Variants in CUL5 observed in about 807,000 individuals in gnomAD.
The protein encoded by CUL5 is cullin-5.
A neutral mutation model predicts 108.8 loss-of-function variants in CUL5; 26 were observed. The ratio of observed to expected loss-of-function variants is 0.24; its 90% CI spans 0.18 to 0.33. The LOEUF (loss-of-function observed/expected upper bound fraction) is 0.33. Ranked by LOEUF, CUL5 falls within the 10% of genes least tolerant of loss-of-function variation. The probability of loss-of-function intolerance (pLI) is 1.00; values close to 1 mark genes in which losing one functional copy is unlikely to be tolerated. For synonymous variants in CUL5, 334 were observed against 298.0 expected (o/e 1.12, Z -1.25); for missense variants, 524 against 909.2 (o/e 0.58, Z 5.45).
chr11:108,063,658 AAAAAAAT>A (rs1213712342), intron 7 of CUL5, among the ~76,000 whole-genome samples: 1 of 20,546 alleles, frequency 4.9e-5, no homozygotes, highest in Non-Finnish European at 1.5e-4. Context: ...ATAAAATTTA[AAAAAAAT>A]AAATAAATAG....
chr11:108,052,890 G>A (rs1863270897), intron 5 of CUL5, 89 bp downstream of exon 5: 1 of 1,122,516 alleles, frequency 8.9e-7, no homozygotes. Context: ...TAAGTTTATT[G>A]GCATACAAAG....
At chr11:108,079,396 G>A (rs899278068) in intron 11 of CUL5, among the ~76,000 whole-genome samples, 3 of 151,994 alleles carry the variant, frequency 2.0e-5, no homozygotes, top group East Asian at 3.9e-4. Flanking sequence ...GTGAGCCACC[G>A]CACCCAGTCC....
chr11:108,015,054 A>G (rs957176591), intron 1 of CUL5, among the ~76,000 whole-genome samples: 1 of 152,170 alleles, frequency 6.6e-6, no homozygotes, highest in African/African-American at 2.4e-5. Flanking sequence ...GACCACCACC[A>G]TGCTCGGCTG....
chr11:108,097,743 G>T lies in CUL5; in HGVS notation c.2013G>T (p.Glu671Asp), dbSNP rs186168658. ...TEGTLFSVNQ[E>D]FSLIKNAKVQ... ...GTACCCTCTTCTCAGTGAACCAGGA[G>T]TTCAGTTTAATGTAAGCTCGTTAGT... Residue 671 changes from glutamate (E) to aspartate (D), a missense_variant, in exon 17 of 19, where the codon GAG (glutamate) becomes GAT (aspartate). Physicochemically the swap from Glu to Asp is conservative, Grantham distance 45. This residue lies in a region of CUL5 where 66 missense variants were observed against 81.4 expected (regional missense o/e 0.81). Coordinates refer to ENST00000393094, the MANE Select transcript of CUL5 (RefSeq NM_003478.6). The T allele has an allele frequency of 7.4e-5, 117 of 1,588,096 alleles. 3 individuals are homozygous for T. The East Asian group carries it at 2.6e-3, about 35-fold the overall frequency.
rs1221480985 is a variant in CUL5 at position 108,054,780 on chromosome 11, T to C, written c.687T>C (p.Asn229=). The C allele has an allele frequency of 6.2e-7, 1 of 1,608,092 alleles. No individual in the cohort carries two copies. The highest frequency in any genetic ancestry group is 1.7e-5 in the Admixed American group (1 of 58,984). The stretch of plus-strand genomic sequence containing the variant: ...ATTTACAACAAAATGGTGTACAGAA[T>C]TATATGAAATATGTAAGTTAGAACT... ...PSYLQQNGVQ[N]YMKYADAKLK... The change falls in exon 6 of 19, where the codon AAT becomes AAC. Residue 229 remains asparagine, a synonymous_variant. Transcript: ENST00000393094.
intron 2 of CUL5, among the ~76,000 whole-genome samples, chr11:108,042,515 C>T (rs1033662647): frequency 2.6e-5 from 4 of 152,040 alleles, no homozygotes; most frequent in Non-Finnish European, 2.9e-5. Context: ...AGCCACTGCA[C>T]CTGGCCCACA....
chr11:108,009,652 C>T (rs1393746502), intron 1 of CUL5, among the ~76,000 whole-genome samples: 5 of 152,090 alleles, frequency 3.3e-5, no homozygotes, highest in Non-Finnish European at 7.4e-5. Context: ...TGGCCGGGAG[C>T]GGGAGATGAA....
chr11:108,085,672 TAAGTAAAAG>T (rs1366389146), intron 11 of CUL5, among the ~76,000 whole-genome samples: 13 of 152,296 alleles, frequency 8.5e-5, no homozygotes, highest in African/African-American at 3.1e-4. Context: ...AACTTGATGC[TAAGTAAAAG>T]AAGTGGGTCA....
intron 4 of CUL5, among the ~76,000 whole-genome samples, chr11:108,051,868 T>C (rs1224015852): frequency 6.6e-6 from 1 of 152,184 alleles, no homozygotes; most frequent in Admixed American, 6.5e-5. Context: ...CCACTGAAAT[T>C]TGCACTATTA....
chr11:108,057,673 T>C (rs1863420865), intron 7 of CUL5, among the ~76,000 whole-genome samples: 2 of 151,650 alleles, frequency 1.3e-5, no homozygotes, highest in South Asian at 2.1e-4. Context: ...TGTATGAGAG[T>C]AGGAGAAATT....
chr11:108,057,039 A>C (rs1014710995), intron 7 of CUL5, among the ~76,000 whole-genome samples: 1 of 152,204 alleles, frequency 6.6e-6, no homozygotes, highest in African/African-American at 2.4e-5. Context: ...GGAATGTTAC[A>C]GTTTTATAAG....
chr11:108,066,805 T>G (rs1863693795), intron 7 of CUL5, among the ~76,000 whole-genome samples: 1 of 152,228 alleles, frequency 6.6e-6, no homozygotes, highest in African/African-American at 2.4e-5. Flanking sequence ...ATGATGCATT[T>G]TCCAGTTATT....
intron 1 of CUL5, among the ~76,000 whole-genome samples, chr11:108,010,230 C>T (rs1862029287): frequency 6.6e-6 from 1 of 152,212 alleles, no homozygotes; most frequent in South Asian, 2.1e-4. Context: ...GTGAATAGCT[C>T]AGGGAACATA....
At chr11:108,100,153 A>T (rs915737042) in intron 18 of CUL5, among the ~76,000 whole-genome samples, 2 of 152,184 alleles carry the variant, frequency 1.3e-5, no homozygotes, top group Non-Finnish European at 1.5e-5. Flanking sequence ...AAAAAAATAA[A>T]AAAAAGGTGG....
intron 7 of CUL5, among the ~76,000 whole-genome samples, chr11:108,068,086 C>T (rs769124510): frequency 9.9e-5 from 15 of 151,818 alleles, no homozygotes; most frequent in African/African-American, 2.9e-4. Context: ...CCACCATGCC[C>T]GGCTAATTTT....
chr11:108,009,322 G>A lies in CUL5; in HGVS notation c.-27G>A, dbSNP rs780423281. 8.7e-6 allele frequency: 14 copies of A among 1,610,478 alleles called. No homozygotes were observed. The highest frequency in any genetic ancestry group is 1.1e-5 in the Non-Finnish European group (13 of 1,178,412). On this transcript the variant is annotated 5_prime_UTR_variant, in exon 1 of 19. Coordinates refer to ENST00000393094, the MANE Select transcript of CUL5 (RefSeq NM_003478.6). ...CGGGAGCGCCACGAATTCTCGCGTC[G>A]TCTCGCGAGAGTCCAAGTTAAAGAA... is the stretch of plus-strand genomic sequence containing the variant.
intron 2 of CUL5, among the ~76,000 whole-genome samples, chr11:108,046,024 A>G (rs1186477804): frequency 2.0e-5 from 3 of 152,230 alleles, no homozygotes; most frequent in South Asian, 2.1e-4. Flanking sequence ...ACATGCTTTC[A>G]TAACTAAATT....
At chr11:108,078,317 T>G in intron 11 of CUL5, 77 bp downstream of exon 11, 1 of 687,142 alleles carries the variant, frequency 1.5e-6, no homozygotes, top group Non-Finnish European at 2.4e-6. Context: ...GTATACAAAG[T>G]ACCCTGTTAG....
chr11:108,086,862 A>C (rs1864232409), intron 11 of CUL5, among the ~76,000 whole-genome samples: 2 of 152,218 alleles, frequency 1.3e-5, no homozygotes, highest in South Asian at 4.1e-4. Flanking sequence ...ATTGATGTAC[A>C]TAGAATTCAT....
Sources: gnomAD v4.1 joint callset for allele counts (sites outside exome capture counted in the v4.1 genomes callset) on GRCh38, gnomAD v4.1.1 for gene constraint, gnomAD v4.1.1 regional missense constraint, MANE v1.5 for transcripts, NCBI Gene and HGNC (gene_info 2026-07-23, HGNC 2026-07-21) for gene names.